The following CDH9 variants were observed in gnomAD, a reference collection of about 807,000 sequenced individuals.
The protein encoded by CDH9 is cadherin 9.
In CDH9, 28 loss-of-function variants were observed where a neutral mutation model predicts 70.9. The ratio of observed to expected loss-of-function variants is 0.40; its 90% CI spans 0.29 to 0.54. The LOEUF (loss-of-function observed/expected upper bound fraction) is 0.54. CDH9 is among the 20% of genes least tolerant of loss of function. The pLI is 0.59. For synonymous variants in CDH9, 409 were observed against 343.1 expected (o/e 1.19, Z -2.12); for missense variants, 874 against 984.4 (o/e 0.89, Z 1.50).
At chr5:27,000,398 C>A (rs1742743494) in intron 1 of CDH9, among the ~76,000 whole-genome samples, 2 of 152,100 alleles carry the variant, frequency 1.3e-5, no homozygotes, top group African/African-American at 4.8e-5. Flanking sequence ...AACAGTAACT[C>A]TTTCGCTGCT....
At chr5:26,883,323 G>A (rs973417517) in intron 11 of CDH9, among the ~76,000 whole-genome samples, 2 of 151,454 alleles carry the variant, frequency 1.3e-5, no homozygotes, top group Non-Finnish European at 2.9e-5. Context: ...TAATAAAAAT[G>A]TACTAATTCC....
At chr5:27,028,982 T>C (rs866988675) in intron 1 of CDH9, among the ~76,000 whole-genome samples, 13 of 152,076 alleles carry the variant, frequency 8.5e-5, no homozygotes, top group Admixed American at 1.3e-4. Context: ...TTAAATATTA[T>C]GGCAAAAGAG....
intron 1 of CDH9, among the ~76,000 whole-genome samples, chr5:26,990,632 A>C (rs1742564717): frequency 6.6e-6 from 1 of 152,172 alleles, no homozygotes; most frequent in African/African-American, 2.4e-5. Flanking sequence ...GAAGAGTAAC[A>C]CTTAGTGGTC....
intron 9 of CDH9, 50 bp downstream of exon 9, chr5:26,889,786 C>A (rs745729407): frequency 8.4e-7 from 1 of 1,197,336 alleles, no homozygotes; most frequent in Non-Finnish European, 1.2e-6. Flanking sequence ...TGTCATTTGA[C>A]TTTGTAAAGA....
At chr5:26,910,224 CATCT>C (rs61512455) in intron 3 of CDH9, among the ~76,000 whole-genome samples, 19,757 of 149,180 alleles carry the variant, frequency 0.13, 1,369 homozygotes, top group South Asian at 0.28. Flanking sequence ...ATCTATCATC[CATCT>C]ATCTATCTAT....
At chr5:26,909,078 G>T (rs986965340) in intron 3 of CDH9, among the ~76,000 whole-genome samples, 8 of 152,092 alleles carry the variant, frequency 5.3e-5, no homozygotes, top group African/African-American at 1.9e-4. Flanking sequence ...CCGCCTCCCG[G>T]GTTCACGCCA....
intron 2 of CDH9, among the ~76,000 whole-genome samples, chr5:26,952,458 CAAAAAAAAAA>C (rs766973787): frequency 2.4e-3 from 24 of 9,966 alleles, no homozygotes; most frequent in East Asian, 8.1e-3. Flanking sequence ...ACTAAAAATA[CAAAAAAAAAA>C]AAAAAAAAAA....
intron 1 of CDH9, among the ~76,000 whole-genome samples, chr5:27,013,489 G>A (rs779718838): frequency 2.0e-5 from 3 of 151,826 alleles, no homozygotes; most frequent in Non-Finnish European, 2.9e-5. Flanking sequence ...CCAGCATCTC[G>A]CTATTATATG....
intron 1 of CDH9, among the ~76,000 whole-genome samples, chr5:27,002,784 G>A (rs1054261362): frequency 2.0e-5 from 3 of 151,994 alleles, no homozygotes; most frequent in Non-Finnish European, 4.4e-5. Flanking sequence ...GTTGGGGGAG[G>A]GGGAGGGATA....
chr5:27,014,960 C>T (rs905970958), intron 1 of CDH9, among the ~76,000 whole-genome samples: 3 of 151,820 alleles, frequency 2.0e-5, no homozygotes, highest in African/African-American at 7.2e-5. Context: ...GGATAAATAA[C>T]GGACCAAAAG....
At chr5:27,033,759 T>G (rs554491410) in intron 1 of CDH9, among the ~76,000 whole-genome samples, 1 of 151,598 alleles carries the variant, frequency 6.6e-6, no homozygotes, top group Non-Finnish European at 1.5e-5. Flanking sequence ...TACAGTAACC[T>G]GCTTTGGTAG....
rs1554037352 is a variant in CDH9, at chr5:26,926,924, C to CT, written c.229-11001_229-11000insA. Reference sequence around the variant, plus strand: ...TAGTCAGGCAAAAATACAGCCCCCCCCCGCAAAAAAAAAAGAAACAAAGAA... The same window carrying CT: ...TAGTCAGGCAAAAATACAGCCCCCCCTCCGCAAAAAAAAAAGAAACAAAGAA... On this transcript the variant is annotated intron_variant, in intron 2 of 11. Transcript: ENST00000231021. Among the ~76,000 whole-genome samples the CT allele has an allele frequency of 1.7e-3, 244 of 147,766 alleles. 2 individuals are homozygous for CT. Among genetic ancestry groups the CT allele is most frequent in the African/African-American group, 4.4e-3 (176 of 40,262 alleles).
chr5:27,023,520 C>T (rs1159871973), intron 1 of CDH9, among the ~76,000 whole-genome samples: 1 of 151,894 alleles, frequency 6.6e-6, no homozygotes, highest in African/African-American at 2.4e-5. Context: ...TATATAACTA[C>T]TCTAGTAGGC....
At chr5:26,888,686 C>T (rs1320392920) in intron 9 of CDH9, among the ~76,000 whole-genome samples, 1 of 152,180 alleles carries the variant, frequency 6.6e-6, no homozygotes, top group Non-Finnish European at 1.5e-5. Flanking sequence ...CAATCCCACA[C>T]ACTCAATGGC....
At chr5:26,882,983 A>T (rs7729342) in intron 11 of CDH9, among the ~76,000 whole-genome samples, 45,864 of 141,714 alleles carry the variant, frequency 0.32, 8,023 homozygotes, top group Middle Eastern at 0.53. Flanking sequence ...AATTAGAAGT[A>T]TCTGTAGTTA....
chr5:26,911,335 A>T, intron 3 of CDH9, among the ~76,000 whole-genome samples: 2 of 152,188 alleles, frequency 1.3e-5, no homozygotes, highest in African/African-American at 4.8e-5. Flanking sequence ...CTTTATAAAT[A>T]CTTTACCAAA....
chr5:26,957,209 T>C (rs569911643), intron 2 of CDH9, among the ~76,000 whole-genome samples: 1 of 152,268 alleles, frequency 6.6e-6, no homozygotes, highest in South Asian at 2.1e-4. Context: ...TTGTCTAAAA[T>C]ACTAAAGGAA....
chr5:26,902,051 T>A (rs1740863758), intron 7 of CDH9, among the ~76,000 whole-genome samples: 1 of 151,902 alleles, frequency 6.6e-6, no homozygotes. Context: ...TGAACTTGTA[T>A]TTAACCAAGA....
intron 2 of CDH9, among the ~76,000 whole-genome samples, chr5:26,953,855 C>T (rs1277770749): frequency 6.6e-6 from 1 of 152,086 alleles, no homozygotes; most frequent in Non-Finnish European, 1.5e-5. Context: ...CACAAAACAA[C>T]CAGAATGATC....
Sources: allele counts gnomAD v4.1 joint callset (sites outside exome capture counted in the v4.1 genomes callset), GRCh38; gene constraint gnomAD v4.1.1; transcripts MANE v1.5; gene names NCBI Gene and HGNC (gene_info 2026-07-23, HGNC 2026-07-21).